SSH3: variants seen among roughly 807,000 people sequenced by gnomAD.
SSH3 encodes the protein slingshot protein phosphatase 3.
Under a neutral mutation model 75.0 loss-of-function variants are expected in SSH3, and 67 were observed. The observed-to-expected ratio is 0.89, with a 90% CI of 0.73 to 1.10. SSH3 has a LOEUF of 1.10. SSH3 is among the 50% of genes least tolerant of loss of function. The pLI is 0.00. For missense variants in SSH3, 824 were observed against 872.7 expected (o/e 0.94, Z 0.70); for synonymous variants, 318 against 349.2 (o/e 0.91, Z 1.00).
Position 67,307,076 on chromosome 11 carries a change from C to T in SSH3, c.499C>T (p.Leu167Phe), listed in dbSNP as rs748073470. ...CTGCACCCTGGGCCTGGTCTTGCCC[C>T]TCTGGAGTGACACCCAGGTGTACTT... ...PSCTLGLVLP[L>F]WSDTQVYLDG... is the part of the protein sequence containing the mutation. The change falls in exon 5 of 14, where the codon CTC becomes TTC. Residue 167 changes from leucine (L) to phenylalanine (F), a missense_variant. Leu to Phe is a conservative substitution (Grantham distance 22). Coordinates refer to ENST00000308127, the MANE Select transcript of SSH3 (RefSeq NM_017857.4). The surrounding 1 kb of genome is among the most constrained non-coding windows in gnomAD (Gnocchi z 4.2). 6.2e-7 allele frequency: 1 copy of T among 1,614,080 alleles called. No homozygotes were observed. Among genetic ancestry groups the T allele is most frequent in the Non-Finnish European group, 8.5e-7 (1 of 1,180,016 alleles).
rs769931672 is a variant in SSH3 at position 67,309,822 on chromosome 11, G to A, written c.1263G>A (p.Ala421=). 59 of 1,613,332 alleles carry A rather than the reference G, an allele frequency of 3.7e-5. No individual in the cohort carries two copies. Among genetic ancestry groups the A allele is most frequent in the Middle Eastern group, 1.6e-4 (1 of 6,084 alleles). Reference sequence around the variant, plus strand: ...GCAAGATGGGCGTCAGCCGCTCAGCGGCCACAGTGCTGGCCTATGCCATGA... The same window carrying A: ...GCAAGATGGGCGTCAGCCGCTCAGCAGCCACAGTGCTGGCCTATGCCATGA... ...VHCKMGVSRS[A]ATVLAYAMKQ... The change falls in exon 12 of 14, where the codon GCG becomes GCA. Residue 421 remains alanine (A), a synonymous_variant. Coordinates refer to ENST00000308127, the MANE Select transcript of SSH3 (RefSeq NM_017857.4).
rs922817143 is a variant in SSH3 at position 67,307,289 on chromosome 11, C to T, written c.537-82C>T. 3.3e-5 allele frequency: 52 copies of T among 1,585,442 alleles called. No individual in the cohort carries two copies. Among genetic ancestry groups the T allele is most frequent in the Middle Eastern group, 2.0e-4 (1 of 5,014 alleles). On this transcript the variant is annotated intron_variant, in intron 5 of 13. Transcript: ENST00000308127. The surrounding 1 kb of genome is among the most constrained non-coding windows in gnomAD (Gnocchi z 4.2). ...AGCAAGGCACCTGACTCCTGGGTCT[C>T]GGCTTCCCGTATCCAGCAAAAGGAT...
Position 67,310,306 on chromosome 11 carries a change from G to A in SSH3, c.1650G>A (p.Leu550=). ...GTCTTCTGGAGCCCTCCTTGGAGCT[G>A]GAGAGCACCTCAGAGACCAGTGACA... is the stretch of plus-strand genomic sequence containing the variant. ...SISLLEPSLE[L]ESTSETSDMP... is the part of the protein sequence containing the mutation. Residue 550 remains leucine, a synonymous_variant, in exon 13 of 14, where the codon CTG becomes CTA. Coordinates refer to ENST00000308127, the MANE Select transcript of SSH3 (RefSeq NM_017857.4). The A allele has an allele frequency of 1.2e-6, 2 of 1,613,642 alleles. No homozygotes were observed. Among genetic ancestry groups the A allele is most frequent in the Non-Finnish European group, 1.7e-6 (2 of 1,179,688 alleles).
At position 67,311,869 on chromosome 11, in the gene SSH3, AGAG is replaced by A; in HGVS notation, c.1967_1969del (p.Glu656del). On this transcript the variant is annotated inframe_deletion, in exon 14 of 14. Coordinates refer to ENST00000308127, the MANE Select transcript of SSH3 (RefSeq NM_017857.4). Reference sequence around the variant, plus strand: ...GACAGGCCAGCGTGCATGACAGTGGAGAGGAGGGCGAGGCCTGAGCCCTCACAC... The same window carrying A: ...GACAGGCCAGCGTGCATGACAGTGGAGAGGGCGAGGCCTGAGCCCTCACAC... 7 of 1,611,658 alleles carry A rather than the reference AGAG, an allele frequency of 4.3e-6. No homozygotes were observed. The highest frequency in any genetic ancestry group is 5.9e-6 in the Non-Finnish European group (7 of 1,179,812).
Position 67,309,328 on chromosome 11 carries a change from C to T in SSH3, c.1062-69C>T. 3.1e-6 allele frequency: 5 copies of T among 1,593,762 alleles called. No individual in the cohort carries two copies. In the South Asian group the frequency reaches 5.6e-5, roughly 18 times the overall value. ...GAGCTAAAGCGAGGCCCAGGGGCTGCCAGGTCCGATTGCCAGTGGGCCTGG... is the reference window on the plus strand; with the variant it reads ...GAGCTAAAGCGAGGCCCAGGGGCTGTCAGGTCCGATTGCCAGTGGGCCTGG... On this transcript the variant is annotated intron_variant, in intron 10 of 13. Transcript: ENST00000308127.
intron 2 of SSH3, 45 bp downstream of exon 2, chr11:67,304,200 C>A: frequency 6.7e-7 from 1 of 1,483,624 alleles, no homozygotes; most frequent in Non-Finnish European, 9.3e-7. Context: ...CTGCCCCGGG[C>A]CTGGCCACGG....
chr11:67,309,233 C>T (rs1565089958), intron 10 of SSH3, 164 bp from the exon 11 acceptor site: 13 of 824,408 alleles, frequency 1.6e-5, no homozygotes, highest in African/African-American at 3.4e-5. Context: ...GGTCTAAGGT[C>T]GCAGCCAGGT....
Position 67,304,127 on chromosome 11 carries a change from G to A in SSH3, c.76G>A (p.Val26Ile), listed in dbSNP as rs2134763343. 6.3e-7 allele frequency: 1 copy of A among 1,597,954 alleles called. No homozygotes were observed. The highest frequency in any genetic ancestry group is 2.2e-5 in the East Asian group (1 of 44,526). Residue 26 changes from valine to isoleucine, a missense_variant, in exon 2 of 14, where the codon GTC (valine) becomes ATC (isoleucine). Val to Ile is a conservative substitution (Grantham distance 29). Coordinates refer to ENST00000308127, the MANE Select transcript of SSH3 (RefSeq NM_017857.4). ...STPVGPWDQAVQRRSRLQRRQ... is the reference protein window; with the variant it reads ...STPVGPWDQAIQRRSRLQRRQ... ...GCTGCTCTCTCCGCAGGACCAGGCG[G>A]TCCAGCGAAGGAGTCGACTCCAGCG... is the stretch of plus-strand genomic sequence containing the variant.
chr11:67,310,201 G>C lies in SSH3; in HGVS notation c.1545G>C (p.Met515Ile), dbSNP rs1417258666. Residue 515 changes from methionine (M) to isoleucine (I), a missense_variant, in exon 13 of 14, where the codon ATG becomes ATC. Coordinates refer to ENST00000308127, the MANE Select transcript of SSH3 (RefSeq NM_017857.4). ...EGGGEEKVVG[M>I]EESQAAPKEE... ...GTGGGGAGGAGAAGGTTGTAGGCAT[G>C]GAAGAGAGCCAGGCAGCCCCGAAAG... 6.2e-7 allele frequency: 1 copy of C among 1,614,206 alleles called. No individual in the cohort carries two copies. Among genetic ancestry groups the C allele is most frequent in the Non-Finnish European group, 8.5e-7 (1 of 1,180,034 alleles).
chr11:67,305,264 G>C (rs1215792994), intron 3 of SSH3, among the ~76,000 whole-genome samples: 2 of 151,726 alleles, frequency 1.3e-5, no homozygotes, highest in African/African-American at 2.4e-5. Flanking sequence ...TCGGCTCACT[G>C]CAAGTTCCAC....
Position 67,308,704 on chromosome 11 carries a change from C to T in SSH3, c.1061+246C>T, listed in dbSNP as rs1861325035. 6.6e-6 allele frequency among the ~76,000 whole-genome samples: 1 copy of T among 151,932 alleles called. No homozygotes were observed. Among genetic ancestry groups the T allele is most frequent in the Non-Finnish European group, 1.5e-5 (1 of 67,982 alleles). On this transcript the variant is annotated intron_variant, in intron 10 of 13. Transcript: ENST00000308127. The surrounding 1 kb of genome is among the most constrained non-coding windows in gnomAD (Gnocchi z 4.9). ...TGAAACAAGGACAGAAACAAAGGGC[C>T]TCAGCCACGCCAAGACGAGAAGCAG...
chr11:67,311,541 C>T (rs1335499675), intron 13 of SSH3, 50 bp from the exon 14 acceptor site: 1 of 1,606,292 alleles, frequency 6.2e-7, no homozygotes, highest in Non-Finnish European at 8.5e-7. Context: ...CTTGGGCACC[C>T]CTGCCCCAGA....
At chr11:67,305,468 G>A (rs753979814) in intron 3 of SSH3, among the ~76,000 whole-genome samples, 36 of 152,122 alleles carry the variant, frequency 2.4e-4, no homozygotes, top group Admixed American at 2.1e-3. Flanking sequence ...GATTACAGGC[G>A]TGAGCCACCG....
rs1257315484 is a variant in SSH3 at position 67,307,893 on chromosome 11, G to A, written c.839G>A (p.Trp280Ter). 1 of 1,614,234 alleles carries A rather than the reference G, an allele frequency of 6.2e-7. No homozygotes were observed. Residue 280 changes from tryptophan to a stop codon, truncating the protein, a stop_gained, in exon 8 of 14, where the codon TGG (tryptophan) becomes TAG (stop). Transcript: ENST00000308127. LOFTEE classifies it high-confidence loss of function. The surrounding 1 kb of genome is among the most constrained non-coding windows in gnomAD (Gnocchi z 4.2). The stretch of plus-strand genomic sequence containing the variant: ...GAGCAGGCGATCCGTGCTGAGCTGT[G>A]GAAAGTGTTGGATGTCAGTGACCTG... ...QMEQAIRAELWKVLDVSDLES... is the reference protein window; with the variant it reads ...QMEQAIRAEL
Position 67,306,921 on chromosome 11 carries a change from G to A in SSH3, c.423G>A (p.Gln141=), listed in dbSNP as rs368707070. The change falls in exon 4 of 14, where the codon CAG becomes CAA. Residue 141 remains glutamine, a synonymous_variant. Transcript: ENST00000308127. ...CACGAGAAGGAGAAGGTCTGAGCCA[G>A]GATGAGACGGTCCTCCTGGGCGTGG... The part of the protein sequence containing the change: ...VSTREGEGLS[Q]DETVLLGVDF... 3.2e-5 allele frequency: 51 copies of A among 1,613,538 alleles called. No homozygotes were observed. Among genetic ancestry groups the A allele is most frequent in the Non-Finnish European group, 4.2e-5 (50 of 1,179,632 alleles).
chr11:67,311,536 G>A, intron 13 of SSH3, 55 bp from the exon 14 acceptor site: 1 of 1,602,304 alleles, frequency 6.2e-7, no homozygotes, highest in Non-Finnish European at 8.5e-7. Flanking sequence ...CTGTGCTTGG[G>A]CACCCCTGCC....
chr11:67,307,094 G>A lies in SSH3; in HGVS notation c.517G>A (p.Val173Met). 1.9e-6 allele frequency: 3 copies of A among 1,613,976 alleles called. No homozygotes were observed. Among genetic ancestry groups the A allele is most frequent in the Non-Finnish European group, 1.7e-6 (2 of 1,179,998 alleles). ...CTTGCCCCTCTGGAGTGACACCCAG[G>A]TGTACTTAGATGGAGACGGGTAAGC... is the stretch of plus-strand genomic sequence containing the variant. ...LVLPLWSDTQVYLDGDGGFSV... is the reference protein window; with the variant it reads ...LVLPLWSDTQMYLDGDGGFSV... Residue 173 changes from valine (V) to methionine (M), a missense_variant, in exon 5 of 14, where the codon GTG becomes ATG. Val to Met is a conservative substitution (Grantham distance 21). Transcript: ENST00000308127. The surrounding 1 kb of genome is among the most constrained non-coding windows in gnomAD (Gnocchi z 4.2).
At chr11:67,311,408 C>T (rs892537689) in intron 13 of SSH3, among the ~76,000 whole-genome samples, 183 bp from the exon 14 acceptor site, 5 of 152,162 alleles carry the variant, frequency 3.3e-5, no homozygotes, top group African/African-American at 1.2e-4. Flanking sequence ...TGTTGTCCTC[C>T]CTCCCGAGGA....
chr11:67,309,691 C>T, intron 11 of SSH3, 77 bp from the exon 12 acceptor site: 3 of 1,593,780 alleles, frequency 1.9e-6, no homozygotes, highest in African/African-American at 1.3e-5. Context: ...GTTGTGAGCC[C>T]TTCACCTGCC....
Sources: gnomAD v4.1 joint callset for allele counts (sites outside exome capture counted in the v4.1 genomes callset) on GRCh38, gnomAD v4.1.1 for gene constraint, Gnocchi (gnomAD v3.1) non-coding constraint, MANE v1.5 for transcripts, NCBI Gene and HGNC (gene_info 2026-07-23, HGNC 2026-07-21) for gene names.